The following FAAH2 variants were observed in gnomAD, a reference collection of about 807,000 sequenced individuals.
FAAH2 encodes the protein fatty-acid amide hydrolase 2.
In FAAH2, 60 loss-of-function variants were observed where a neutral mutation model predicts 36.9. The observed-to-expected ratio is 1.63, with a 90% confidence interval of 1.32 to 2.02. The LOEUF (loss-of-function observed/expected upper bound fraction) is 2.02, where lower values mean the gene tolerates loss of function less well. FAAH2 is among the 30% of genes most tolerant of loss of function. The pLI, the probability that FAAH2 is intolerant of heterozygous loss-of-function variation, is 0.00. For synonymous variants in FAAH2, 214 were observed against 143.8 expected (o/e 1.49, Z -3.49); for missense variants, 689 against 397.5 (o/e 1.73, Z -6.23).
chrX:57,216,538 A>ATACG, the FAAH2 span, among the ~76,000 whole-genome samples: 10 of 65,119 alleles, frequency 1.5e-4, no homozygotes, highest in African/African-American at 9.8e-4. Flanking sequence ...ATATATATAT[A>ATACG]TATACGTATA....
At chrX:57,219,554 C>A in the FAAH2 span, among the ~76,000 whole-genome samples, 1 of 112,427 alleles carries the variant, frequency 8.9e-6, no homozygotes, top group Non-Finnish European at 1.9e-5. Context: ...AGTCCAAAGC[C>A]CCAACATTGG....
intron 7 of FAAH2, among the ~76,000 whole-genome samples, chrX:57,387,447 TCAGCAATAAC>T (rs1456892794): frequency 9.0e-6 from 1 of 110,515 alleles, no homozygotes; most frequent in East Asian, 2.8e-4. Flanking sequence ...AGCTAACATA[TCAGCAATAAC>T]CAGATAAAAA....
At chrX:57,430,089 C>T (rs919671803) in intron 7 of FAAH2, among the ~76,000 whole-genome samples, 6 of 111,404 alleles carry the variant, frequency 5.4e-5, no homozygotes, top group Non-Finnish European at 9.4e-5. Context: ...ATACAATGTA[C>T]ATTATTAGGT....
chrX:57,250,561 G>A, the FAAH2 span, among the ~76,000 whole-genome samples: 3 of 110,825 alleles, frequency 2.7e-5, no homozygotes, highest in African/African-American at 9.8e-5. Context: ...ATGTTAATAA[G>A]CATGATCTAG....
chrX:57,290,424 C>A, intron 1 of FAAH2: 1 of 250,373 alleles, frequency 4.0e-6, no homozygotes, highest in Non-Finnish European at 5.6e-6. Context: ...TACTGAAAAC[C>A]TACTAGACGC....
the FAAH2 span, among the ~76,000 whole-genome samples, chrX:57,141,957 C>A: frequency 1.8e-5 from 2 of 110,126 alleles, no homozygotes; most frequent in Non-Finnish European, 3.8e-5. Context: ...CCTTGCCCCC[C>A]ACACCCCGGT....
At chrX:57,151,231 T>G in the FAAH2 span, among the ~76,000 whole-genome samples, 1 of 111,661 alleles carries the variant, frequency 9.0e-6, no homozygotes, top group Non-Finnish European at 1.9e-5. Context: ...ATCTGACAAT[T>G]ATGTGTCTTG....
intron 3 of FAAH2, among the ~76,000 whole-genome samples, chrX:57,324,740 G>A (rs1454412988): frequency 8.9e-6 from 1 of 112,123 alleles, no homozygotes; most frequent in African/African-American, 3.2e-5. Flanking sequence ...GAGATTTTGG[G>A]CAGAGATGAT....
the FAAH2 span, among the ~76,000 whole-genome samples, chrX:57,195,124 C>T: frequency 1.0e-3 from 112 of 111,648 alleles, no homozygotes; most frequent in African/African-American, 3.5e-3. Flanking sequence ...TTGGTAGATA[C>T]CCAGTACTGA....
intron 5 of FAAH2, among the ~76,000 whole-genome samples, chrX:57,368,228 AC>A (rs2054467168): frequency 2.4e-5 from 2 of 84,144 alleles, no homozygotes; most frequent in African/African-American, 4.5e-5. Flanking sequence ...CACTGAACCC[AC>A]CCCCACCCCC....
At chrX:57,329,074 A>T (rs1219416302) in intron 3 of FAAH2, among the ~76,000 whole-genome samples, 2 of 111,377 alleles carry the variant, frequency 1.8e-5, no homozygotes, top group South Asian at 3.8e-4. Context: ...GCCAGTTGCA[A>T]CTCCCACTGC....
chrX:57,181,647 A>G, the FAAH2 span, among the ~76,000 whole-genome samples: 1 of 111,769 alleles, frequency 8.9e-6, no homozygotes, highest in Non-Finnish European at 1.9e-5. Context: ...AAAAATGGCT[A>G]TTTGGCCCAA....
the FAAH2 span, among the ~76,000 whole-genome samples, chrX:57,184,803 TG>T: frequency 8.9e-6 from 1 of 112,352 alleles, no homozygotes; most frequent in Non-Finnish European, 1.9e-5. Flanking sequence ...TAATCTCCTT[TG>T]GAAAGAGAAA....
the FAAH2 span, among the ~76,000 whole-genome samples, chrX:57,216,640 A>ATATATATATACG: frequency 2.1e-5 from 2 of 93,754 alleles, no homozygotes; most frequent in African/African-American, 7.3e-5. Flanking sequence ...ATATATACGT[A>ATATATATATACG]TATATATATA....
chrX:57,149,676 C>A, the FAAH2 span, among the ~76,000 whole-genome samples: 1 of 110,958 alleles, frequency 9.0e-6, no homozygotes, highest in African/African-American at 3.3e-5. Flanking sequence ...TGCTAGCGGT[C>A]TATCAATTTT....
In FAAH2 at chrX:57,488,991, A is replaced by G. The variant is rs2057525058; in HGVS notation, c.*59A>G. On this transcript the variant is annotated 3_prime_UTR_variant, in exon 11 of 11. Transcript: ENST00000374900. ...TTTGTGTTCGTGTGGTGGTGTTTCTATTAATTGGGTGAAATCAAGCACCAG... is the reference window on the plus strand; with the variant it reads ...TTTGTGTTCGTGTGGTGGTGTTTCTGTTAATTGGGTGAAATCAAGCACCAG... The G allele has an allele frequency of 4.6e-6, 5 of 1,083,843 alleles. No individual in the cohort carries two copies. The highest frequency in any genetic ancestry group is 6.0e-5 in the Admixed American group (2 of 33,581). The allele number at this position is 1,083,843 out of a possible 1,213,427, so 89.3% of individuals were successfully genotyped here. A position where few individuals can be genotyped will look rare whatever the true frequency, so the allele number is the denominator to read the frequency against.
chrX:57,400,621 G>A (rs5960266), intron 7 of FAAH2, among the ~76,000 whole-genome samples: 38,899 of 111,360 alleles, frequency 0.35, 5,392 homozygotes, highest in Middle Eastern at 0.64. Flanking sequence ...GGGAATCCAT[G>A]TTTGGCAGAA....
intron 5 of FAAH2, among the ~76,000 whole-genome samples, chrX:57,343,154 C>G (rs952170113): frequency 9.0e-6 from 1 of 111,626 alleles, no homozygotes; most frequent in African/African-American, 3.2e-5. Context: ...AATGGGATCA[C>G]TGGGTTAAAT....
chrX:57,291,649 T>A (rs2051987831), intron 1 of FAAH2, among the ~76,000 whole-genome samples: 1 of 111,900 alleles, frequency 8.9e-6, no homozygotes, highest in Admixed American at 9.5e-5. Context: ...TCCTTCTTTT[T>A]TCTGTCTTGA....
Sources: gnomAD v4.1 joint callset for allele counts (sites outside exome capture counted in the v4.1 genomes callset) on GRCh38, gnomAD v4.1.1 for gene constraint, MANE v1.5 for transcripts, NCBI Gene and HGNC (gene_info 2026-07-23, HGNC 2026-07-21) for gene names.